The following RNF130 variants were observed in gnomAD, a reference collection of about 807,000 sequenced individuals.
RNF130 encodes the protein E3 ubiquitin-protein ligase RNF130.
Under a neutral mutation model 44.6 loss-of-function variants are expected in RNF130, and 21 were observed. That is an observed-to-expected ratio of 0.47 (90% CI 0.33 to 0.68). The LOEUF (loss-of-function observed/expected upper bound fraction) is 0.68. RNF130 is among the 30% of genes least tolerant of loss of function. The pLI is 0.02. For synonymous variants in RNF130, 214 were observed against 210.4 expected, an observed-to-expected ratio of 1.02 and a Z score of -0.15; for missense variants, 479 against 560.6, an observed-to-expected ratio of 0.85 and a Z score of 1.47.
intron 2 of RNF130, among the ~76,000 whole-genome samples, chr5:180,015,113 C>T (rs1192283841): frequency 2.0e-5 from 3 of 152,134 alleles, no homozygotes; most frequent in Non-Finnish European, 4.4e-5. Context: ...TACCAGAATA[C>T]CGATTAAAAA....
intron 6 of RNF130, among the ~76,000 whole-genome samples, chr5:179,968,316 A>AC (rs1397083115): frequency 1.3e-5 from 2 of 149,756 alleles, no homozygotes; most frequent in Non-Finnish European, 1.5e-5. Flanking sequence ...AAACAAACAA[A>AC]AAAAGAAGGC....
Position 180,071,689 on chromosome 5 carries a change from C to G in RNF130, c.14G>C (p.Gly5Ala), listed in dbSNP as rs1410781953. 2.2e-6 allele frequency: 3 copies of G among 1,384,188 alleles called. No individual in the cohort carries two copies. The highest frequency in any genetic ancestry group is 1.5e-5 in the African/African-American group (1 of 66,506). The allele number at this position is 1,384,188 out of a possible 1,614,324, so 85.7% of individuals were successfully genotyped here. ...GGCGAGCCGGGCAGGGCCCGCCCGC[C>G]CCGCGCAGCTCATCGTCCCTCCGGC... MSCA[G>A]RAGPARLAAL... Residue 5 changes from glycine (G) to alanine (A), a missense_variant, in exon 1 of 9, where the codon GGG (glycine) becomes GCG (alanine). Physicochemically the swap from Gly to Ala is moderately conservative, Grantham distance 60. Transcript: ENST00000521389.
At chr5:180,008,969 T>A (rs192506025) in intron 3 of RNF130, among the ~76,000 whole-genome samples, 38 of 150,892 alleles carry the variant, frequency 2.5e-4, no homozygotes, top group African/African-American at 8.5e-4. Flanking sequence ...AAAGAAGAAG[T>A]CTCAAAAGAA....
At chr5:180,046,642 G>A (rs929676206) in intron 1 of RNF130, among the ~76,000 whole-genome samples, 16 of 152,144 alleles carry the variant, frequency 1.1e-4, no homozygotes, top group African/African-American at 3.9e-4. Flanking sequence ...CTCCCTCTCA[G>A]AGCCTGTGTG....
At chr5:180,017,948 T>A (rs1326295319) in intron 2 of RNF130, among the ~76,000 whole-genome samples, 3 of 152,210 alleles carry the variant, frequency 2.0e-5, no homozygotes, top group Non-Finnish European at 4.4e-5. Flanking sequence ...ATGAGCTGTA[T>A]TAGTCTGTTC....
intron 3 of RNF130, among the ~76,000 whole-genome samples, chr5:179,988,190 T>C (rs947438930): frequency 2.6e-5 from 4 of 152,246 alleles, no homozygotes; most frequent in South Asian, 2.1e-4. Context: ...TGGCTAGGAA[T>C]GTATCCATTT....
chr5:179,980,404 C>A (rs1762805734), intron 3 of RNF130: 1 of 528,242 alleles, frequency 1.9e-6, no homozygotes, highest in South Asian at 2.3e-5. Flanking sequence ...GTTAGAACAC[C>A]CTGTTAGGTC....
At chr5:179,984,616 T>TTA (rs1421126926) in intron 3 of RNF130, among the ~76,000 whole-genome samples, 1 of 152,162 alleles carries the variant, frequency 6.6e-6, no homozygotes, top group African/African-American at 2.4e-5. Flanking sequence ...CATGATGAAT[T>TTA]TATATATATT....
At chr5:179,935,183 T>A (rs1210170797) in intron 7 of RNF130, among the ~76,000 whole-genome samples, 3 of 152,230 alleles carry the variant, frequency 2.0e-5, no homozygotes, top group Admixed American at 6.5e-5. Context: ...TGTTATTGAT[T>A]TATAACTTAA....
rs544173154 is a variant in RNF130, at chr5:179,927,753, A to AT, written c.1151-7328dup. 5.0e-3 allele frequency among the ~76,000 whole-genome samples: 740 copies of AT among 148,312 alleles called. 21 individuals are homozygous for AT. In the East Asian group the frequency reaches 0.095, roughly 19 times the overall value. On this transcript the variant is annotated intron_variant, in intron 7 of 7. Coordinates refer to the RNF130 transcript ENST00000522208. Reference sequence around the variant, plus strand: ...AGGTGCCCGCCACCACGCCTGGCTAATTTTTTTTTTGTATTTTTAGTAGAG... The same window carrying AT: ...AGGTGCCCGCCACCACGCCTGGCTAATTTTTTTTTTTGTATTTTTAGTAGAG...
intron 8 of RNF130, among the ~76,000 whole-genome samples, chr5:179,962,891 C>T (rs1442459264): frequency 1.6e-4 from 24 of 152,184 alleles, no homozygotes; most frequent in Admixed American, 1.4e-3. Flanking sequence ...TGAAGCCTGC[C>T]GTCATGGAGC....
chr5:180,045,447 C>T (rs745566459), intron 1 of RNF130, among the ~76,000 whole-genome samples: 3 of 152,128 alleles, frequency 2.0e-5, no homozygotes, highest in Non-Finnish European at 2.9e-5. Flanking sequence ...TCATAAAGAC[C>T]GCAGGGACCC....
chr5:180,034,767 T>C (rs926989342), intron 2 of RNF130, among the ~76,000 whole-genome samples: 2 of 152,200 alleles, frequency 1.3e-5, no homozygotes, highest in Non-Finnish European at 2.9e-5. Flanking sequence ...TGAGTGTGAC[T>C]ATGTGGTGAG....
rs7727946 is a variant in RNF130, at chr5:179,931,827, G to A, written c.1151-11401C>T. Among the ~76,000 whole-genome samples, 1,055 of 152,058 alleles carry A rather than the reference G, an allele frequency of 6.9e-3. 11 individuals carry two copies. Among genetic ancestry groups the A allele is most frequent in the African/African-American group, 0.024 (1,000 of 41,478 alleles). On this transcript the variant is annotated intron_variant, in intron 7 of 7. Transcript: ENST00000522208. ...ACAAAGACTTTGTAACTGTGATTCA[G>A]GCCCCCCAGCACCCCCGTGACTGTA...
chr5:180,065,897 G>A (rs548380615), intron 1 of RNF130, among the ~76,000 whole-genome samples: 53 of 151,448 alleles, frequency 3.5e-4, no homozygotes, highest in African/African-American at 1.2e-3. Flanking sequence ...CAACTGCCTC[G>A]GAATAACTTT....
rs192360897 is a variant in RNF130 at position 180,010,059 on chromosome 5, A to G, written c.693+3002T>C. On this transcript the variant is annotated intron_variant, in intron 3 of 8. Transcript: ENST00000521389. ...TCAGGAGATCGAGACCATCCTGGCTAACACGGTGAAACCCCATCTCTACTA... is the reference window on the plus strand; with the variant it reads ...TCAGGAGATCGAGACCATCCTGGCTGACACGGTGAAACCCCATCTCTACTA... 3.2e-4 allele frequency among the ~76,000 whole-genome samples: 48 copies of G among 152,040 alleles called. No individual in the cohort carries two copies. The East Asian group carries it at 9.3e-3, about 30-fold the overall frequency.
At chr5:180,034,118 G>T (rs1344020135) in intron 2 of RNF130, among the ~76,000 whole-genome samples, 1 of 149,852 alleles carries the variant, frequency 6.7e-6, no homozygotes, top group Non-Finnish European at 1.5e-5. Flanking sequence ...ATCATGATGG[G>T]TACTGAGATT....
At chr5:179,931,535 G>A (rs1028639956) in intron 7 of RNF130, among the ~76,000 whole-genome samples, 7 of 152,070 alleles carry the variant, frequency 4.6e-5, no homozygotes, top group African/African-American at 1.7e-4. Flanking sequence ...TTGGGGGGCC[G>A]AGGTGGGCGG....
At chr5:179,926,357 A>C (rs889483611) in intron 7 of RNF130, among the ~76,000 whole-genome samples, 1 of 152,128 alleles carries the variant, frequency 6.6e-6, no homozygotes, top group Non-Finnish European at 1.5e-5. Flanking sequence ...CTTCATAATA[A>C]ATCTCAGGCC....
Sources: allele counts gnomAD v4.1 joint callset (sites outside exome capture counted in the v4.1 genomes callset), GRCh38; gene constraint gnomAD v4.1.1; transcripts MANE v1.5; gene names NCBI Gene and HGNC (gene_info 2026-07-23, HGNC 2026-07-21).